LUZP2: variants seen among roughly 807,000 people sequenced by gnomAD.
LUZP2 encodes leucine zipper protein 2.
A neutral mutation model predicts 51.6 loss-of-function variants in LUZP2; 52 were observed. That is an observed-to-expected ratio of 1.01 (90% CI 0.81 to 1.27). The LOEUF (loss-of-function observed/expected upper bound fraction) is 1.27, where lower values mean the gene tolerates loss of function less well. Among genes scored for constraint, LUZP2 ranks in the 50% most tolerant of loss-of-function variants. The pLI is 0.00. For synonymous variants in LUZP2, 154 were observed against 137.3 expected (o/e 1.12, Z -0.85); for missense variants, 436 against 395.4 (o/e 1.10, Z -0.87).
Position 24,916,158 on chromosome 11 carries a change from G to A in LUZP2, c.522+1620G>A, listed in dbSNP as rs543414994. Among the ~76,000 whole-genome samples the A allele has an allele frequency of 3.3e-5, 5 of 151,818 alleles. No homozygotes were observed. In the South Asian group the frequency reaches 1.0e-3, roughly 32 times the overall value. On this transcript the variant is annotated intron_variant, in intron 7 of 11. Transcript: ENST00000336930. Reference sequence around the variant, plus strand: ...ATGCTTGAGAGCTGCCTTTAGCTTGGAAGAGGCTTTTAGCTGAAGTACAAA... The same window carrying A: ...ATGCTTGAGAGCTGCCTTTAGCTTGAAAGAGGCTTTTAGCTGAAGTACAAA...
At chr11:25,064,450 T>C (rs1858938145) in intron 10 of LUZP2, among the ~76,000 whole-genome samples, 2 of 152,030 alleles carry the variant, frequency 1.3e-5, no homozygotes, top group Admixed American at 6.6e-5. Context: ...TGTAAACTTC[T>C]TTTTTTAACT....
chr11:24,721,421 T>A (rs1401954489), intron 1 of LUZP2, among the ~76,000 whole-genome samples: 5 of 152,190 alleles, frequency 3.3e-5, no homozygotes, highest in African/African-American at 4.8e-5. Flanking sequence ...AAGCTCTTTC[T>A]CCTACAATCT....
At chr11:24,902,072 A>C (rs1488690510) in intron 5 of LUZP2, among the ~76,000 whole-genome samples, 1 of 152,202 alleles carries the variant, frequency 6.6e-6, no homozygotes, top group Non-Finnish European at 1.5e-5. Context: ...TTTAGTCCAA[A>C]GGGTTTTATT....
intron 1 of LUZP2, among the ~76,000 whole-genome samples, chr11:24,517,619 A>G (rs938209573): frequency 7.9e-5 from 12 of 151,638 alleles, no homozygotes; most frequent in Non-Finnish European, 1.5e-4. Flanking sequence ...AATCACTTCA[A>G]TGAGGGCATC....
chr11:24,792,781 G>T (rs1163043287), intron 5 of LUZP2, among the ~76,000 whole-genome samples: 2 of 152,090 alleles, frequency 1.3e-5, no homozygotes, highest in Non-Finnish European at 2.9e-5. Context: ...TACTGTTGTT[G>T]TTCCTACTCA....
At chr11:25,060,750 A>G (rs1013155569) in intron 10 of LUZP2, among the ~76,000 whole-genome samples, 4 of 152,196 alleles carry the variant, frequency 2.6e-5, no homozygotes, top group African/African-American at 9.6e-5. Flanking sequence ...AAGCCATATA[A>G]CAACATATTA....
intron 1 of LUZP2, among the ~76,000 whole-genome samples, chr11:24,510,763 T>A (rs551789615): frequency 7.7e-4 from 117 of 152,352 alleles, no homozygotes; most frequent in Middle Eastern, 3.4e-3. Context: ...AATTCATTTT[T>A]AAAAATTCTA....
At chr11:25,070,518 G>T (rs950739382) in intron 10 of LUZP2, among the ~76,000 whole-genome samples, 1 of 144,522 alleles carries the variant, frequency 6.9e-6, no homozygotes, top group African/African-American at 2.6e-5. Flanking sequence ...GGGTCTGCCT[G>T]TGAGAACCTA....
chr11:25,030,985 ACAATATATAT>A (rs1857659322), intron 9 of LUZP2, among the ~76,000 whole-genome samples: 1 of 10,300 alleles, frequency 9.7e-5, no homozygotes, highest in South Asian at 4.1e-3. Context: ...TATATATAAT[ACAATATATAT>A]TATATATATA....
At chr11:24,753,196 C>A (rs754057553) in intron 4 of LUZP2, among the ~76,000 whole-genome samples, 7 of 151,998 alleles carry the variant, frequency 4.6e-5, no homozygotes, top group South Asian at 2.1e-4. Context: ...CTTAAAAATA[C>A]AATTGATAAT....
chr11:24,844,859 T>C (rs1851149552), intron 5 of LUZP2, among the ~76,000 whole-genome samples: 2 of 152,184 alleles, frequency 1.3e-5, no homozygotes, highest in Admixed American at 1.3e-4. Context: ...AAGTTAAGAA[T>C]TGGGGTTTGG....
chr11:24,766,563 T>G (rs1257535068), intron 5 of LUZP2, among the ~76,000 whole-genome samples: 2 of 152,174 alleles, frequency 1.3e-5, no homozygotes, highest in African/African-American at 2.4e-5. Flanking sequence ...CTGTTAAGAC[T>G]TTTCCCCTGC....
intron 1 of LUZP2, among the ~76,000 whole-genome samples, chr11:24,595,408 G>A (rs1355774611): frequency 1.3e-5 from 2 of 152,148 alleles, no homozygotes; most frequent in African/African-American, 4.8e-5. Flanking sequence ...TTCTAGGTTA[G>A]CGGTTTACAT....
chr11:24,740,257 A>T (rs940094509), intron 4 of LUZP2, among the ~76,000 whole-genome samples: 1 of 152,186 alleles, frequency 6.6e-6, no homozygotes, highest in Admixed American at 6.6e-5. Flanking sequence ...TAATTATTCC[A>T]GTAGATTATG....
At chr11:24,545,822 G>T (rs1483613545) in intron 1 of LUZP2, among the ~76,000 whole-genome samples, 1 of 151,944 alleles carries the variant, frequency 6.6e-6, no homozygotes, top group Non-Finnish European at 1.5e-5. Flanking sequence ...ATTCTATGAA[G>T]AATGTCATTG....
intron 1 of LUZP2, among the ~76,000 whole-genome samples, chr11:24,546,143 C>CT (rs781231632): frequency 7.5e-4 from 114 of 152,050 alleles, no homozygotes; most frequent in Non-Finnish European, 1.2e-3. Context: ...TATGTTGATA[C>CT]TTTTTTGAAG....
At position 24,914,105 on chromosome 11, in the gene LUZP2, A is replaced by G. The variant is rs140850491; in HGVS notation, c.460-371A>G. On this transcript the variant is annotated intron_variant, in intron 6 of 11. Coordinates refer to ENST00000336930, the MANE Select transcript of LUZP2 (RefSeq NM_001009909.4). The stretch of plus-strand genomic sequence containing the variant: ...TATTCTAATTTAATTTAAAAAAAGT[A>G]ATTGAAAATAAGTAGTAAAAAAAAT... Among the ~76,000 whole-genome samples, 13 of 152,298 alleles carry G rather than the reference A, an allele frequency of 8.5e-5. No individual in the cohort carries two copies. In the East Asian group the frequency reaches 2.1e-3, roughly 25 times the overall value.
At position 24,851,338 on chromosome 11, in the gene LUZP2, C is replaced by T. The variant is rs184639783; in HGVS notation, c.397-54653C>T. ...TTAGCATTGAATTTTGTTGAAGGCC[C>T]TTTCTGCATCTATTGAGATAATCAT... On this transcript the variant is annotated intron_variant, in intron 5 of 11. Transcript: ENST00000336930. Among the ~76,000 whole-genome samples, 6 of 151,932 alleles carry T rather than the reference C, an allele frequency of 3.9e-5. No individual in the cohort carries two copies. The East Asian group carries it at 9.7e-4, about 24-fold the overall frequency.
At chr11:25,010,823 G>A (rs1161306768) in intron 9 of LUZP2, among the ~76,000 whole-genome samples, 2 of 151,940 alleles carry the variant, frequency 1.3e-5, no homozygotes, top group Non-Finnish European at 2.9e-5. Context: ...CTCCAGCCTG[G>A]GTGACAGAGT....
Sources: allele counts gnomAD v4.1 joint callset (sites outside exome capture counted in the v4.1 genomes callset), GRCh38; gene constraint gnomAD v4.1.1; transcripts MANE v1.5; gene names NCBI Gene and HGNC (gene_info 2026-07-23, HGNC 2026-07-21).